ACBD5: variants seen among roughly 807,000 people sequenced by gnomAD.
ACBD5 encodes acyl-CoA-binding domain-containing protein 5.
Under a neutral mutation model 71.8 loss-of-function variants are expected in ACBD5, and 40 were observed. The observed-to-expected ratio is 0.56, with a 90% CI of 0.43 to 0.72. ACBD5 has a LOEUF of 0.72. Among genes scored for constraint, ACBD5 ranks in the 30% least tolerant of loss-of-function variants. The pLI, the probability that ACBD5 is intolerant of heterozygous loss-of-function variation, is 0.00. For missense variants in ACBD5, 559 were observed against 644.5 expected (o/e 0.87, Z 1.44); for synonymous variants, 229 against 218.6 (o/e 1.05, Z -0.42).
At chr10:27,211,851 G>A (rs539503826) in intron 8 of ACBD5, among the ~76,000 whole-genome samples, 2 of 152,242 alleles carry the variant, frequency 1.3e-5, no homozygotes, top group African/African-American at 4.8e-5. Context: ...TGAAGGTGGT[G>A]ATGAGGTGAG....
At chr10:27,228,815 A>ATATATATATATATATT (rs1554856598) in intron 4 of ACBD5, among the ~76,000 whole-genome samples, 4 of 20,362 alleles carry the variant, frequency 2.0e-4, no homozygotes, top group Non-Finnish European at 2.5e-4. Context: ...ATATATATAT[A>ATATATATATATATATT]TTTTTTTTTT....
intron 13 of ACBD5, among the ~76,000 whole-genome samples, chr10:27,185,999 GAAT>G (rs1298502902): frequency 6.6e-6 from 1 of 152,130 alleles, no homozygotes; most frequent in Non-Finnish European, 1.5e-5. Flanking sequence ...TGAGGTAGGA[GAAT>G]CGCTTGAACC....
At chr10:27,238,831 G>A (rs2065095353) in intron 2 of ACBD5, among the ~76,000 whole-genome samples, 1 of 152,104 alleles carries the variant, frequency 6.6e-6, no homozygotes, top group Admixed American at 6.6e-5. Flanking sequence ...AAATACTATA[G>A]TAACATATTA....
chr10:27,196,954 G>A lies in ACBD5; in HGVS notation c.*476C>T, dbSNP rs1564539899. On this transcript the variant is annotated 3_prime_UTR_variant, in exon 13 of 13. Coordinates refer to ENST00000396271, the MANE Select transcript of ACBD5 (RefSeq NM_145698.5). Reference sequence around the variant, plus strand: ...TTCTACTACATGCCATGGCAACTCCGTGACTAAGATATAAAGTCGATTACA... The same window carrying A: ...TTCTACTACATGCCATGGCAACTCCATGACTAAGATATAAAGTCGATTACA... 3 of 454,088 alleles carry A rather than the reference G, an allele frequency of 6.6e-6. No homozygotes were observed. Among genetic ancestry groups the A allele is most frequent in the South Asian group, 1.6e-5 (1 of 64,466 alleles). The allele number at this position is 454,088 out of a possible 1,614,324, so 28.1% of individuals were successfully genotyped here.
At position 27,237,420 on chromosome 10, in the gene ACBD5, A is replaced by G. The variant is rs1437959493; in HGVS notation, c.182-2208T>C. Among the ~76,000 whole-genome samples, 3 of 152,228 alleles carry G rather than the reference A, an allele frequency of 2.0e-5. No individual in the cohort carries two copies. In the East Asian group the frequency reaches 5.8e-4, roughly 29 times the overall value. ...TTACTATTTCAGGCCTTAAATAAGG[A>G]TTGAGAAACAAGGAACAAAAAACTC... On this transcript the variant is annotated intron_variant, in intron 2 of 12. Transcript: ENST00000396271.
chr10:27,190,509 G>T (rs1389739858), downstream of ACBD5, among the ~76,000 whole-genome samples: 1 of 152,198 alleles, frequency 6.6e-6, no homozygotes, highest in Admixed American at 6.5e-5. Context: ...GGTTCGGGAA[G>T]TGGTAACTAT....
intron 8 of ACBD5, among the ~76,000 whole-genome samples, chr10:27,214,204 G>A (rs1199716397): frequency 6.6e-6 from 1 of 152,064 alleles, no homozygotes; most frequent in African/African-American, 2.4e-5. Context: ...GCAATACTTT[G>A]TTGTACATTT....
At chr10:27,229,544 CA>C (rs904476564) in intron 4 of ACBD5, among the ~76,000 whole-genome samples, 14 of 145,002 alleles carry the variant, frequency 9.7e-5, no homozygotes, top group African/African-American at 2.0e-4. Context: ...GATCCTGTCT[CA>C]AAAAAAAAAG....
At chr10:27,193,798 T>C (rs920153788), downstream of ACBD5, among the ~76,000 whole-genome samples, 6 of 152,236 alleles carry the variant, frequency 3.9e-5, no homozygotes, top group African/African-American at 1.2e-4. Context: ...TTCCCGGCCC[T>C]GGACTTCTAT....
chr10:27,189,564 T>C lies in ACBD5; in HGVS notation c.1494-6849A>G, dbSNP rs1295197264. 7.0e-5 allele frequency among the ~76,000 whole-genome samples: 10 copies of C among 142,224 alleles called. No homozygotes were observed. In the East Asian group the frequency reaches 8.3e-4, roughly 12 times the overall value. 93.3% of individuals were successfully genotyped at this position (142,224 alleles called of 152,430 possible). On this transcript the variant is annotated intron_variant, in intron 13 of 13. Transcript: ENST00000676511. ...GCATGTTCTCACTCATAGGTGGGAA[T>C]TGAACAATGAGAACACATGGACATA...
At chr10:27,229,947 T>C (rs1437711915) in intron 4 of ACBD5, among the ~76,000 whole-genome samples, 1 of 152,182 alleles carries the variant, frequency 6.6e-6, no homozygotes, top group East Asian at 1.9e-4. Context: ...AAAGGCAGAA[T>C]ACACATTGCC....
chr10:27,228,146 G>C (rs142611507), intron 4 of ACBD5, among the ~76,000 whole-genome samples: 193 of 151,658 alleles, frequency 1.3e-3, no homozygotes, highest in African/African-American at 4.5e-3. Flanking sequence ...AGATCCCCTA[G>C]TGATTTTAAT....
At chr10:27,236,963 C>T (rs534244252) in intron 2 of ACBD5, among the ~76,000 whole-genome samples, 4 of 150,778 alleles carry the variant, frequency 2.7e-5, no homozygotes, top group East Asian at 3.9e-4. Context: ...CAGGTTTGGC[C>T]GAGAGTGCAT....
rs972471680 is a variant in ACBD5 at position 27,196,129 on chromosome 10, G to A, written c.*1301C>T. ...GCAGGAGAATCACTTGAACCCAGGAGGTGGAAGTTGCAGTGAGCCAAGATC... is the reference window on the plus strand; with the variant it reads ...GCAGGAGAATCACTTGAACCCAGGAAGTGGAAGTTGCAGTGAGCCAAGATC... On this transcript the variant is annotated 3_prime_UTR_variant, in exon 13 of 13. Transcript: ENST00000396271. The A allele has an allele frequency of 1.3e-5, 6 of 451,608 alleles. No individual in the cohort carries two copies. Among genetic ancestry groups the A allele is most frequent in the South Asian group, 7.8e-5 (5 of 64,046 alleles). 28.0% of individuals were successfully genotyped at this position (451,608 alleles called of 1,614,324 possible). A position where few individuals can be genotyped will look rare whatever the true frequency, so the allele number is the denominator to read the frequency against.
intron 4 of ACBD5, among the ~76,000 whole-genome samples, chr10:27,228,419 T>C (rs985508884): frequency 1.3e-5 from 2 of 151,656 alleles, no homozygotes; most frequent in Non-Finnish European, 2.9e-5. Context: ...CTACTAAAAA[T>C]ACAAAAAATT....
intron 12 of ACBD5, among the ~76,000 whole-genome samples, chr10:27,200,962 A>C (rs2136634821): frequency 6.7e-6 from 1 of 150,282 alleles, no homozygotes; most frequent in South Asian, 2.1e-4. Context: ...TCTTGAGGGC[A>C]GGAGTTCAAG....
intron 9 of ACBD5, 84 bp from the exon 10 acceptor site, chr10:27,208,529 T>G: frequency 6.8e-7 from 1 of 1,480,510 alleles, no homozygotes; most frequent in Non-Finnish European, 9.3e-7. Flanking sequence ...CTCTGTTATT[T>G]CTTTGAGATC....
At chr10:27,204,720 C>T (rs1273117369) in intron 11 of ACBD5, among the ~76,000 whole-genome samples, 171 bp from the exon 12 acceptor site, 1 of 152,168 alleles carries the variant, frequency 6.6e-6, no homozygotes, top group Non-Finnish European at 1.5e-5. Context: ...AGGAAACAGG[C>T]TTTCAGGAGT....
At chr10:27,205,582 A>C (rs946924012) in intron 10 of ACBD5, among the ~76,000 whole-genome samples, 1 of 152,050 alleles carries the variant, frequency 6.6e-6, no homozygotes, top group Non-Finnish European at 1.5e-5. Context: ...TTATGTTTAC[A>C]GTCTTATTAC....
Sources: gnomAD v4.1 joint callset for allele counts (sites outside exome capture counted in the v4.1 genomes callset) on GRCh38, gnomAD v4.1.1 for gene constraint, MANE v1.5 for transcripts, NCBI Gene and HGNC (gene_info 2026-07-23, HGNC 2026-07-21) for gene names.